Variants in ACP7 observed in about 807,000 individuals in gnomAD.
The protein encoded by ACP7 is acid phosphatase type 7.
ACP7 carries 58 observed loss-of-function variants against 60.6 expected under a neutral mutation model. The observed-to-expected ratio is 0.96, with a 90% CI of 0.77 to 1.19. The LOEUF (loss-of-function observed/expected upper bound fraction) is 1.19, where lower values mean the gene tolerates loss of function less well. ACP7 is among the 50% of genes most tolerant of loss of function. ACP7 has a pLI of 0.00. For synonymous variants in ACP7, 237 were observed against 232.6 expected, an observed-to-expected ratio of 1.02 and a Z score of -0.17; for missense variants, 574 against 596.2, an observed-to-expected ratio of 0.96 and a Z score of 0.39.
At chr19:39,097,478 C>T (rs916323402) in intron 2 of ACP7, among the ~76,000 whole-genome samples, 4 of 151,346 alleles carry the variant, frequency 2.6e-5, no homozygotes, top group Admixed American at 2.6e-4. Context: ...GCAGGAGGAT[C>T]GCTTGAGCCC....
chr19:39,099,992 CAA>C (rs35619428), intron 4 of ACP7, among the ~76,000 whole-genome samples: 1,916 of 72,548 alleles, frequency 0.026, 34 homozygotes, highest in African/African-American at 0.075. Flanking sequence ...GACTCTGTCT[CAA>C]AAAAAAAAAA....
At chr19:39,085,034 G>A (rs960444899) in intron 1 of ACP7, 58 bp from the exon 2 acceptor site, 8 of 488,048 alleles carry the variant, frequency 1.6e-5, no homozygotes, top group Admixed American at 3.8e-5. Flanking sequence ...TGTGAGTGAG[G>A]CTCAGAGAGC....
At chr19:39,109,212 G>A (rs2073442511) in intron 12 of ACP7, among the ~76,000 whole-genome samples, 1 of 152,170 alleles carries the variant, frequency 6.6e-6, no homozygotes, top group South Asian at 2.1e-4. Context: ...GAGAGGGGAA[G>A]TAATTTTCCC....
intron 2 of ACP7, 142 bp from the exon 3 acceptor site, chr19:39,098,316 G>A (rs1227894814): frequency 4.4e-6 from 2 of 450,772 alleles, no homozygotes; most frequent in African/African-American, 2.1e-5. Context: ...GCGGGGCTGG[G>A]ATTGAACTTG....
At chr19:39,102,205 G>A (rs923270882) in intron 11 of ACP7, among the ~76,000 whole-genome samples, 6 of 151,110 alleles carry the variant, frequency 4.0e-5, no homozygotes, top group East Asian at 1.9e-4. Flanking sequence ...TGTAATCCCA[G>A]TACTTTGGGA....
chr19:39,104,196 C>G (rs2073387944), intron 11 of ACP7, among the ~76,000 whole-genome samples: 1 of 151,760 alleles, frequency 6.6e-6, no homozygotes, highest in African/African-American at 2.4e-5. Flanking sequence ...GCCACTCACA[C>G]CACACATTGC....
intron 11 of ACP7, among the ~76,000 whole-genome samples, chr19:39,106,231 A>G (rs1256067698): frequency 2.0e-5 from 3 of 152,196 alleles, no homozygotes; most frequent in Non-Finnish European, 2.9e-5. Context: ...CTGTGCAGCC[A>G]GGCTTCAGAT....
Position 39,100,758 on chromosome 19 carries a change from C to T in ACP7, c.712C>T (p.His238Tyr). The T allele has an allele frequency of 5.0e-6, 8 of 1,614,004 alleles. No individual in the cohort carries two copies. The highest frequency in any genetic ancestry group is 6.8e-6 in the Non-Finnish European group (8 of 1,179,998). The change falls in exon 7 of 13, where the codon CAC (histidine) becomes TAC (tyrosine). Residue 238 changes from histidine to tyrosine, a missense_variant. Transcript: ENST00000331256. ...CTCCAGCTGGGATCTGGGTCCCGCC[C>T]ACATCATCTCCTTCTCCACCGAGGT... ...LWYSWDLGPAHIISFSTEVYF... is the reference protein window; with the variant it reads ...LWYSWDLGPAYIISFSTEVYF...
At chr19:39,096,811 T>C (rs953849984) in intron 2 of ACP7, among the ~76,000 whole-genome samples, 2 of 152,166 alleles carry the variant, frequency 1.3e-5, no homozygotes, top group Admixed American at 6.6e-5. Context: ...CTTTCTTTCT[T>C]TTTTTGAGAC....
intron 1 of ACP7, 82 bp from the exon 2 acceptor site, chr19:39,085,010 A>G (rs2073124540): frequency 7.3e-6 from 3 of 412,022 alleles, no homozygotes; most frequent in Non-Finnish European, 1.3e-5. Context: ...ATCTATGTCA[A>G]GCGGTTGGCA....
Position 39,101,369 on chromosome 19 carries a change from AG to A in ACP7, c.1041+17del, listed in dbSNP as rs1264334166. The A allele has an allele frequency of 3.1e-6, 5 of 1,614,088 alleles. No homozygotes were observed. In the East Asian group the frequency reaches 8.9e-5, roughly 29 times the overall value. ...TACAACTACCAGGTGAGGCACGTGA[AG>A]GGCTGAGCGCCCACACAGCTGGGGT... On this transcript the variant is annotated intron_variant, in intron 10 of 12. Coordinates refer to ENST00000331256, the MANE Select transcript of ACP7 (RefSeq NM_001004318.3).
chr19:39,094,053 T>C (rs988261868), intron 2 of ACP7, among the ~76,000 whole-genome samples: 10 of 152,330 alleles, frequency 6.6e-5, no homozygotes, highest in African/African-American at 2.4e-4. Flanking sequence ...TTTGTATGGC[T>C]GGAGGAAGAA....
chr19:39,098,766 T>C, intron 3 of ACP7, 108 bp downstream of exon 3: 1 of 1,362,542 alleles, frequency 7.3e-7, no homozygotes, highest in Non-Finnish European at 9.9e-7. Context: ...GTAACTCCAC[T>C]GCCTATCTGC....
intron 2 of ACP7, among the ~76,000 whole-genome samples, chr19:39,088,731 GTTTGTTT>G (rs2073171467): frequency 4.7e-5 from 1 of 21,152 alleles, no homozygotes; most frequent in Non-Finnish European, 9.5e-5. Flanking sequence ...TTGTGGGTTT[GTTTGTTT>G]GTTTGTTTGT....
chr19:39,089,274 G>C (rs1345563273), intron 2 of ACP7, among the ~76,000 whole-genome samples: 2 of 151,458 alleles, frequency 1.3e-5, no homozygotes, highest in Non-Finnish European at 2.9e-5. Flanking sequence ...CACCATGTTG[G>C]GCAGGTTGAT....
At chr19:39,100,119 C>T in intron 4 of ACP7, 108 bp from the exon 5 acceptor site, 1 of 1,481,418 alleles carries the variant, frequency 6.8e-7, no homozygotes, top group Non-Finnish European at 9.1e-7. Context: ...CCTTGGCCTC[C>T]CGAAGCGCTG....
chr19:39,100,769 C>T lies in ACP7; in HGVS notation c.723C>T (p.Ser241=), dbSNP rs1470765129. The T allele has an allele frequency of 3.1e-6, 5 of 1,613,918 alleles. No individual in the cohort carries two copies. Among genetic ancestry groups the T allele is most frequent in the Non-Finnish European group, 4.2e-6 (5 of 1,179,990 alleles). ...ATCTGGGTCCCGCCCACATCATCTC[C>T]TTCTCCACCGAGGTCTATTTCTTTC... ...SWDLGPAHII[S]FSTEVYFFLH... is the part of the protein sequence containing the mutation. Residue 241 remains serine (S), a synonymous_variant, in exon 7 of 13, where the codon TCC becomes TCT. Transcript: ENST00000331256.
chr19:39,099,165 C>A (rs780774110), intron 4 of ACP7, 23 bp downstream of exon 4: 2 of 1,478,128 alleles, frequency 1.4e-6, no homozygotes, highest in East Asian at 2.5e-5. Context: ...CAGGGGCGCG[C>A]GCAGGGACGG....
chr19:39,096,928 A>G (rs921208259), intron 2 of ACP7, among the ~76,000 whole-genome samples: 7 of 152,020 alleles, frequency 4.6e-5, no homozygotes, highest in Non-Finnish European at 7.4e-5. Context: ...CAGCCTTCCA[A>G]GTAGCTGGGA....
Sources: allele counts gnomAD v4.1 joint callset (sites outside exome capture counted in the v4.1 genomes callset), GRCh38; gene constraint gnomAD v4.1.1; transcripts MANE v1.5; gene names NCBI Gene and HGNC (gene_info 2026-07-23, HGNC 2026-07-21).